MYO5B: variants seen among roughly 807,000 people sequenced by gnomAD.
The protein encoded by MYO5B is myosin VB, also known as unconventional myosin-Vb.
MYO5B carries 143 observed loss-of-function variants against 229.3 expected under a neutral mutation model. The observed-to-expected ratio is 0.62, with a 90% CI of 0.54 to 0.72. The LOEUF is 0.72. Among genes scored for constraint, MYO5B ranks in the 30% least tolerant of loss-of-function variants. The pLI, the probability that MYO5B is intolerant of heterozygous loss-of-function variation, is 0.00. For synonymous variants in MYO5B, 918 were observed against 885.2 expected (o/e 1.04, Z -0.66); for missense variants, 2,321 against 2,331.0 (o/e 1.00, Z 0.09).
intron 13 of MYO5B, 143 bp downstream of exon 13, chr18:49,954,169 TA>T: frequency 1.6e-6 from 2 of 1,244,032 alleles, no homozygotes; most frequent in Non-Finnish European, 2.3e-6. Flanking sequence ...GAGGGGTGGG[TA>T]AAAGAGGATG....
chr18:50,100,748 G>A (rs758768444), intron 1 of MYO5B, among the ~76,000 whole-genome samples: 5 of 152,194 alleles, frequency 3.3e-5, no homozygotes, highest in Non-Finnish European at 5.9e-5. Context: ...TCCTCCTAAA[G>A]CACTGGGCTC....
chr18:50,075,366 T>A (rs937697705), intron 1 of MYO5B, among the ~76,000 whole-genome samples: 1 of 152,276 alleles, frequency 6.6e-6, no homozygotes, highest in African/African-American at 2.4e-5. Flanking sequence ...CACCTACATA[T>A]ACACAGGAGT....
At chr18:50,061,887 T>C (rs1398573967) in intron 1 of MYO5B, among the ~76,000 whole-genome samples, 1 of 152,220 alleles carries the variant, frequency 6.6e-6, no homozygotes, top group African/African-American at 2.4e-5. Flanking sequence ...TAAGTAATCT[T>C]AAGTATTTGA....
At chr18:50,136,364 C>CTTTTT (rs11426659) in intron 1 of MYO5B, among the ~76,000 whole-genome samples, 2 of 131,780 alleles carry the variant, frequency 1.5e-5, no homozygotes, top group Non-Finnish European at 3.1e-5. Context: ...TTTTTTTTTA[C>CTTTTT]TTTTTTTTTT....
chr18:49,963,840 G>A (rs2025591200), intron 10 of MYO5B, among the ~76,000 whole-genome samples: 4 of 152,136 alleles, frequency 2.6e-5, no homozygotes, highest in South Asian at 2.1e-4. Flanking sequence ...GATCAGGGCC[G>A]TGGTCTAGAC....
At chr18:49,944,541 C>T (rs2025349962) in intron 14 of MYO5B, among the ~76,000 whole-genome samples, 1 of 152,002 alleles carries the variant, frequency 6.6e-6, no homozygotes, top group African/African-American at 2.4e-5. Context: ...GTCAGGAGAC[C>T]TGAACTTTAG....
In MYO5B at chr18:50,133,084, A is replaced by G. The variant is rs193082933; in HGVS notation, c.27+61683T>C. ...GACCAGTCTATGCTGCTGAGGGCAG[A>G]ATTAATCCAGAATATGACTGTTTCC... On this transcript the variant is annotated intron_variant, in intron 1 of 39. Transcript: ENST00000285039. Among the ~76,000 whole-genome samples, 31 of 152,334 alleles carry G rather than the reference A, an allele frequency of 2.0e-4. No homozygotes were observed. The East Asian group carries it at 6.0e-3, about 29-fold the overall frequency.
At chr18:49,941,234 A>T (rs775792289) in intron 14 of MYO5B, among the ~76,000 whole-genome samples, 1 of 152,332 alleles carries the variant, frequency 6.6e-6, no homozygotes, top group South Asian at 2.1e-4. Flanking sequence ...GCATGCAAAT[A>T]AAAGTTGCAG....
chr18:49,926,288 T>A (rs1410216072), intron 17 of MYO5B, among the ~76,000 whole-genome samples: 1 of 152,170 alleles, frequency 6.6e-6, no homozygotes, highest in African/African-American at 2.4e-5. Flanking sequence ...ATTTAGGAAT[T>A]GTTTGTGGTT....
intron 4 of MYO5B, 148 bp downstream of exon 4, chr18:50,036,702 G>T: frequency 1.1e-6 from 1 of 877,630 alleles, no homozygotes; most frequent in Non-Finnish European, 1.8e-6. Context: ...GAGGTAGGCA[G>T]TAGAACTTGG....
At chr18:49,947,918 C>G (rs1631841) in intron 14 of MYO5B, among the ~76,000 whole-genome samples, 1 of 152,040 alleles carries the variant, frequency 6.6e-6, no homozygotes, top group Admixed American at 6.5e-5. Context: ...TTTGTTACAT[C>G]TGTATACATA....
At chr18:49,990,748 C>T (rs2025923023) in intron 6 of MYO5B, among the ~76,000 whole-genome samples, 1 of 152,204 alleles carries the variant, frequency 6.6e-6, no homozygotes, top group Non-Finnish European at 1.5e-5. Flanking sequence ...TATGCAAAAG[C>T]ATGTATGTAT....
intron 1 of MYO5B, among the ~76,000 whole-genome samples, chr18:50,164,456 C>T (rs1414055318): frequency 1.3e-5 from 2 of 152,146 alleles, no homozygotes; most frequent in Non-Finnish European, 2.9e-5. Context: ...TGTGACCATC[C>T]CCCCACTTTA....
intron 1 of MYO5B, among the ~76,000 whole-genome samples, chr18:50,183,582 G>A (rs1236372670): frequency 1.3e-5 from 2 of 151,944 alleles, no homozygotes; most frequent in Non-Finnish European, 1.5e-5. Context: ...GAGAGATGGA[G>A]CCAGGAAAAG....
chr18:50,098,120 T>C (rs1386086715), intron 1 of MYO5B, among the ~76,000 whole-genome samples: 1 of 152,172 alleles, frequency 6.6e-6, no homozygotes, highest in Non-Finnish European at 1.5e-5. Flanking sequence ...AAATAAAATA[T>C]TTGCTTTAAC....
chr18:49,949,590 T>C (rs1260790482), intron 14 of MYO5B, among the ~76,000 whole-genome samples: 2 of 152,192 alleles, frequency 1.3e-5, no homozygotes, highest in East Asian at 1.9e-4. Flanking sequence ...GTAGAGTATA[T>C]GGGTGTCTTC....
intron 9 of MYO5B, among the ~76,000 whole-genome samples, chr18:49,976,158 A>C (rs574139633): frequency 1.3e-5 from 2 of 152,234 alleles, no homozygotes; most frequent in East Asian, 1.9e-4. Flanking sequence ...CCTTCAGAAC[A>C]TGATGTGCCA....
chr18:50,178,324 T>C (rs2033025309), intron 1 of MYO5B, among the ~76,000 whole-genome samples: 1 of 152,180 alleles, frequency 6.6e-6, no homozygotes, highest in African/African-American at 2.4e-5. Flanking sequence ...AGAAAGTGTG[T>C]ATGACTGAAA....
chr18:49,976,652 T>C (rs746348702), intron 9 of MYO5B, among the ~76,000 whole-genome samples: 5 of 152,234 alleles, frequency 3.3e-5, no homozygotes, highest in Non-Finnish European at 7.3e-5. Flanking sequence ...GCCTCCTGCC[T>C]TCTGGCCCAG....
Sources: gnomAD v4.1 joint callset for allele counts (sites outside exome capture counted in the v4.1 genomes callset) on GRCh38, gnomAD v4.1.1 for gene constraint, MANE v1.5 for transcripts, NCBI Gene and HGNC (gene_info 2026-07-23, HGNC 2026-07-21) for gene names.